Variants in PTPRD observed in about 807,000 individuals in gnomAD.
PTPRD encodes receptor-type tyrosine-protein phosphatase delta.
Under a neutral mutation model 214.5 loss-of-function variants are expected in PTPRD, and 34 were observed. That is an observed-to-expected ratio of 0.16 (90% CI 0.12 to 0.21). The LOEUF (loss-of-function observed/expected upper bound fraction) is 0.21. PTPRD is among the 10% of genes least tolerant of loss of function. The pLI, the probability that PTPRD is intolerant of heterozygous loss-of-function variation, is 1.00. For missense variants in PTPRD, 2,545 were observed against 2,398.7 expected, an observed-to-expected ratio of 1.06 and a Z score of -1.27; for synonymous variants, 1,128 against 845.7, an observed-to-expected ratio of 1.33 and a Z score of -5.79.
At chr9:9,545,421 G>A (rs914315641) in intron 8 of PTPRD, among the ~76,000 whole-genome samples, 6 of 151,624 alleles carry the variant, frequency 4.0e-5, no homozygotes, top group Admixed American at 1.3e-4. Flanking sequence ...TTTCAGATTG[G>A]CTCTTTTCAC....
chr9:8,775,424 CATA>C (rs1482460383), intron 11 of PTPRD, among the ~76,000 whole-genome samples: 1 of 151,954 alleles, frequency 6.6e-6, no homozygotes, highest in East Asian at 1.9e-4. Flanking sequence ...GAACTCTCTG[CATA>C]ATATGTAGAG....
chr9:10,245,331 G>A (rs918454526), intron 3 of PTPRD, among the ~76,000 whole-genome samples: 7 of 152,156 alleles, frequency 4.6e-5, no homozygotes, highest in Non-Finnish European at 7.4e-5. Flanking sequence ...CATATAGTGC[G>A]TAGGTAATCT....
intron 2 of PTPRD, among the ~76,000 whole-genome samples, chr9:10,565,578 A>G (rs754421220): frequency 9.2e-5 from 14 of 152,144 alleles, no homozygotes; most frequent in Middle Eastern, 6.8e-3. Context: ...CTGTTACGGA[A>G]CTGTATAAAT....
chr9:10,019,883 C>G (rs776463588), intron 4 of PTPRD, among the ~76,000 whole-genome samples: 12 of 152,026 alleles, frequency 7.9e-5, no homozygotes, highest in Non-Finnish European at 8.8e-5. Context: ...ACATATGTAA[C>G]TAACATGCAT....
chr9:10,139,183 C>T (rs1231292740), intron 3 of PTPRD, among the ~76,000 whole-genome samples: 1 of 152,038 alleles, frequency 6.6e-6, no homozygotes, highest in Non-Finnish European at 1.5e-5. Flanking sequence ...TGATGAATTA[C>T]TTCAGTGCAG....
chr9:8,340,604 T>G (rs566706109), intron 41 of PTPRD, 135 bp from the exon 42 acceptor site: 1 of 843,868 alleles, frequency 1.2e-6, no homozygotes, highest in East Asian at 2.7e-5. Flanking sequence ...AAATTCCTGC[T>G]AAGATTAAAT....
chr9:9,136,506 C>T (rs753315276), intron 10 of PTPRD, among the ~76,000 whole-genome samples: 8 of 151,938 alleles, frequency 5.3e-5, no homozygotes, highest in Non-Finnish European at 1.0e-4. Context: ...CAAATATAAT[C>T]ACTACTTAGA....
chr9:8,323,383 C>T (rs1051333643), intron 44 of PTPRD, among the ~76,000 whole-genome samples: 2 of 152,126 alleles, frequency 1.3e-5, no homozygotes, highest in African/African-American at 4.8e-5. Context: ...GCTATACATT[C>T]TATAGATAGA....
intron 2 of PTPRD, among the ~76,000 whole-genome samples, chr9:10,525,742 G>GTT (rs1302554200): frequency 6.6e-6 from 1 of 151,608 alleles, no homozygotes; most frequent in Non-Finnish European, 1.5e-5. Flanking sequence ...GTGTGTGTGT[G>GTT]TGTGTGTGTG....
chr9:8,316,965 A>C lies in PTPRD; in HGVS notation c.*909T>G, dbSNP rs1404694426. ...ATATATACATAGACACCCTTATAAA[A>C]TATGGATATATATGTATATATGTTA... On this transcript the variant is annotated 3_prime_UTR_variant, in exon 46 of 46. Transcript: ENST00000381196. 4.3e-6 allele frequency: 1 copy of C among 231,380 alleles called. No homozygotes were observed. Among genetic ancestry groups the C allele is most frequent in the East Asian group, 6.1e-5 (1 of 16,306 alleles). 14.3% of individuals were successfully genotyped at this position (231,380 alleles called of 1,614,324 possible).
intron 14 of PTPRD, among the ~76,000 whole-genome samples, chr9:8,597,359 C>G (rs566937300): frequency 1.3e-5 from 2 of 152,078 alleles, no homozygotes; most frequent in Non-Finnish European, 2.9e-5. Flanking sequence ...CCTCCCCTTA[C>G]CAATTATGTT....
chr9:9,091,050 G>A (rs535433335), intron 10 of PTPRD: 467 of 1,533,066 alleles, frequency 3.0e-4, no homozygotes, highest in Non-Finnish European at 3.9e-4. Context: ...CAGCAGTCAG[G>A]GACATTTCTG....
chr9:10,402,675 C>A (rs1052451788), intron 2 of PTPRD, among the ~76,000 whole-genome samples: 5 of 151,636 alleles, frequency 3.3e-5, no homozygotes, highest in Admixed American at 2.6e-4. Context: ...AAATGAAATA[C>A]CTTAGTTGTT....
chr9:10,595,004 G>A (rs975447904), intron 2 of PTPRD, among the ~76,000 whole-genome samples: 19 of 105,578 alleles, frequency 1.8e-4, no homozygotes, highest in African/African-American at 6.2e-4. Flanking sequence ...TCAATGACAG[G>A]TTGACTTAAT....
At position 8,832,410 on chromosome 9, in the gene PTPRD, C is replaced by CTTTTTTTTT; in HGVS notation, c.-103-98473_-103-98465dup. On this transcript the variant is annotated intron_variant, in intron 11 of 45. Transcript: ENST00000381196. The stretch of plus-strand genomic sequence containing the variant: ...TAAAGCAAGGGGCAGCTAAAATCAT[C>CTTTTTTTTT]TTTTTTTTTTTTTTTTTTTGTCAAA... Among the ~76,000 whole-genome samples, 2 of 127,970 alleles carry CTTTTTTTTT rather than the reference C, an allele frequency of 1.6e-5. 1 individual carries two copies. Among genetic ancestry groups the CTTTTTTTTT allele is most frequent in the Non-Finnish European group, 3.2e-5 (2 of 62,082 alleles). 84.0% of individuals were successfully genotyped at this position (127,970 alleles called of 152,430 possible).
intron 12 of PTPRD, among the ~76,000 whole-genome samples, chr9:8,724,620 C>A (rs1334224579): frequency 6.6e-6 from 1 of 152,100 alleles, no homozygotes; most frequent in Non-Finnish European, 1.5e-5. Flanking sequence ...GTTTATGGAG[C>A]CTTGTCTTAC....
At chr9:9,836,063 T>G (rs1599217312) in intron 5 of PTPRD, among the ~76,000 whole-genome samples, 1 of 152,158 alleles carries the variant, frequency 6.6e-6, no homozygotes. Flanking sequence ...CACATCTTTC[T>G]GGAAGAGATG....
At chr9:10,415,844 A>T (rs2098482042) in intron 2 of PTPRD, among the ~76,000 whole-genome samples, 1 of 151,860 alleles carries the variant, frequency 6.6e-6, no homozygotes, top group Non-Finnish European at 1.5e-5. Context: ...GGACATTTTT[A>T]AAACTAAAGA....
intron 11 of PTPRD, among the ~76,000 whole-genome samples, chr9:8,812,316 A>G (rs1253729075): frequency 2.0e-5 from 3 of 152,314 alleles, no homozygotes; most frequent in African/African-American, 4.8e-5. Flanking sequence ...AAGCATAAGA[A>G]TCTATATAAA....
Sources: allele counts gnomAD v4.1 joint callset (sites outside exome capture counted in the v4.1 genomes callset), GRCh38; gene constraint gnomAD v4.1.1; transcripts MANE v1.5; gene names NCBI Gene and HGNC (gene_info 2026-07-23, HGNC 2026-07-21).